BCAS3: variants seen among roughly 807,000 people sequenced by gnomAD.
The protein encoded by BCAS3 is BCAS3 microtubule associated cell migration factor.
BCAS3 carries 53 observed loss-of-function variants against 116.1 expected under a neutral mutation model. That is an observed-to-expected ratio of 0.46 (90% CI 0.37 to 0.57). The LOEUF is 0.57. BCAS3 is among the 20% of genes least tolerant of loss of function. BCAS3 has a pLI of 0.00. For missense variants in BCAS3, 917 were observed against 1,165.4 expected (o/e 0.79, Z 3.10); for synonymous variants, 391 against 408.2 (o/e 0.96, Z 0.51).
chr17:61,012,170 T>A lies in BCAS3; in HGVS notation c.1487-3581T>A, dbSNP rs951382880. Among the ~76,000 whole-genome samples the A allele has an allele frequency of 6.6e-6, 1 of 152,072 alleles. No individual in the cohort carries two copies. The highest frequency in any genetic ancestry group is 1.5e-5 in the Non-Finnish European group (1 of 67,958). The stretch of plus-strand genomic sequence containing the variant: ...TCCCATTTTTCATTTTTTGTTAATA[T>A]GTCTTTCTGTAACATTACATTATGA... On this transcript the variant is annotated intron_variant, in intron 15 of 23. Coordinates refer to ENST00000407086, the MANE Select transcript of BCAS3 (RefSeq NM_017679.5). The surrounding 1 kb of genome is among the most constrained non-coding windows in gnomAD (Gnocchi z 4.5).
rs1007852809 is a variant in BCAS3 at position 61,246,471 on chromosome 17, GAAAAAAA to G, written c.2426-121836_2426-121830del. 5.1e-3 allele frequency among the ~76,000 whole-genome samples: 172 copies of G among 33,468 alleles called. 1 individual carries two copies. The highest frequency in any genetic ancestry group is 0.013 in the African/African-American group (132 of 10,186). The allele number at this position is 33,468 out of a possible 152,430, so 22.0% of individuals were successfully genotyped here. ...TGGGTAACAGAGCAAGACTGTCTCA[GAAAAAAA>G]AAAAAAAAAAAAAAAAAAAGATTTA... On this transcript the variant is annotated intron_variant, in intron 22 of 23. Transcript: ENST00000407086.
At chr17:60,705,083 G>A (rs2036938384) in intron 4 of BCAS3, among the ~76,000 whole-genome samples, 1 of 152,134 alleles carries the variant, frequency 6.6e-6, no homozygotes, top group African/African-American at 2.4e-5. Flanking sequence ...AAGTGTGGAA[G>A]GATCACACCA....
At chr17:60,869,088 G>A (rs926424758) in intron 8 of BCAS3, among the ~76,000 whole-genome samples, 2 of 152,156 alleles carry the variant, frequency 1.3e-5, no homozygotes, top group African/African-American at 4.8e-5. Flanking sequence ...TGAAAAGCAT[G>A]TTCCTGAACT....
chr17:60,715,076 AAT>A (rs2038410184), intron 5 of BCAS3, among the ~76,000 whole-genome samples: 1 of 152,012 alleles, frequency 6.6e-6, no homozygotes, highest in Non-Finnish European at 1.5e-5. Flanking sequence ...TTAAAAACCA[AAT>A]AGTTTCGTGA....
chr17:60,844,958 G>A (rs543569172), intron 7 of BCAS3, among the ~76,000 whole-genome samples: 47 of 152,310 alleles, frequency 3.1e-4, no homozygotes, highest in East Asian at 7.7e-4. Context: ...GGCTGGGCAC[G>A]GTGGCTTATG....
intron 22 of BCAS3, chr17:61,086,741 C>G: frequency 1.0e-6 from 1 of 985,350 alleles, no homozygotes; most frequent in Non-Finnish European, 1.2e-6. Context: ...TTCTGAAAGA[C>G]AACCAAAACA....
chr17:60,738,651 A>G (rs2041218602), intron 5 of BCAS3, among the ~76,000 whole-genome samples: 3 of 152,042 alleles, frequency 2.0e-5, no homozygotes, highest in Admixed American at 6.5e-5. Flanking sequence ...ATCCGTTTTC[A>G]CAATCTCTGT....
rs1425140941 is a variant in BCAS3, at chr17:61,145,633, T to A, written c.2425+61069T>A. On this transcript the variant is annotated intron_variant, in intron 22 of 23. Coordinates refer to ENST00000407086, the MANE Select transcript of BCAS3 (RefSeq NM_017679.5). The surrounding 1 kb of genome is among the most constrained non-coding windows in gnomAD (Gnocchi z 5.0). ...ACCCTTGTGTCATTTAATGTTACTTTAAAAAATTATTCTTAAATGTTCAGC... is the reference window on the plus strand; with the variant it reads ...ACCCTTGTGTCATTTAATGTTACTTAAAAAAATTATTCTTAAATGTTCAGC... 6.6e-6 allele frequency among the ~76,000 whole-genome samples: 1 copy of A among 152,210 alleles called. No individual in the cohort carries two copies. Among genetic ancestry groups the A allele is most frequent in the Non-Finnish European group, 1.5e-5 (1 of 68,036 alleles).
chr17:60,946,614 T>G (rs922420386), intron 13 of BCAS3, among the ~76,000 whole-genome samples: 9 of 152,076 alleles, frequency 5.9e-5, no homozygotes, highest in Non-Finnish European at 4.4e-5. Flanking sequence ...TTCTTTGTTT[T>G]GAAAAATGAT....
Position 61,042,987 on chromosome 17 carries a change from C to A in BCAS3, c.2029+2095C>A, listed in dbSNP as rs139646661. 8.5e-4 allele frequency among the ~76,000 whole-genome samples: 128 copies of A among 150,946 alleles called. No homozygotes were observed. The East Asian group carries it at 0.024, about 28-fold the overall frequency. Reference sequence around the variant, plus strand: ...AGGAAGGGAGTGGAGGCTAGGTGATCCTAGAGCAAGATGAGACCTTAAATT... The same window carrying A: ...AGGAAGGGAGTGGAGGCTAGGTGATACTAGAGCAAGATGAGACCTTAAATT... On this transcript the variant is annotated intron_variant, in intron 19 of 23. Coordinates refer to ENST00000407086, the MANE Select transcript of BCAS3 (RefSeq NM_017679.5).
intron 14 of BCAS3, among the ~76,000 whole-genome samples, chr17:60,976,020 C>CTTTTTTTTTTTTGTTTTTTT (rs2062329877): frequency 9.2e-5 from 9 of 98,304 alleles, no homozygotes; most frequent in Non-Finnish European, 1.1e-4. Context: ...TAGATTTTTG[C>CTTTTTTTTTTTTGTTTTTTT]TTTTTTTTTT....
chr17:61,265,567 A>G lies in BCAS3; in HGVS notation c.2426-102760A>G, dbSNP rs1381568644. Among the ~76,000 whole-genome samples, 2 of 152,224 alleles carry G rather than the reference A, an allele frequency of 1.3e-5. No individual in the cohort carries two copies. The highest frequency in any genetic ancestry group is 2.9e-5 in the Non-Finnish European group (2 of 68,040). On this transcript the variant is annotated intron_variant, in intron 22 of 23. Coordinates refer to ENST00000407086, the MANE Select transcript of BCAS3 (RefSeq NM_017679.5). This position sits in a 1 kb window ranked among gnomAD's most constrained non-coding sequence, Gnocchi z 4.3. ...TGCTTCTGTGGGCCTGGTTTCTACA[A>G]TCTTGTTTGGCTACAATTCATGTTG...
At chr17:61,293,419 G>A (rs1257867790) in intron 22 of BCAS3, among the ~76,000 whole-genome samples, 1 of 152,066 alleles carries the variant, frequency 6.6e-6, no homozygotes, top group Non-Finnish European at 1.5e-5. Flanking sequence ...CTTACTAATA[G>A]GAGAGCTGCC....
intron 7 of BCAS3, among the ~76,000 whole-genome samples, chr17:60,856,605 C>T (rs2053693076): frequency 6.6e-6 from 1 of 151,940 alleles, no homozygotes; most frequent in Non-Finnish European, 1.5e-5. Context: ...GCATGAGAAT[C>T]GCTTGAACCT....
chr17:61,323,667 A>G lies in BCAS3; in HGVS notation c.2426-44660A>G, dbSNP rs150021349. 1.0e-3 allele frequency among the ~76,000 whole-genome samples: 155 copies of G among 152,354 alleles called. No individual in the cohort carries two copies. The highest frequency in any genetic ancestry group is 3.7e-3 in the African/African-American group (154 of 41,586). On this transcript the variant is annotated intron_variant, in intron 22 of 23. Transcript: ENST00000407086. This position sits in a 1 kb window ranked among gnomAD's most constrained non-coding sequence, Gnocchi z 4.6. Reference sequence around the variant, plus strand: ...CCAAGGGTCTCCAGTTCCTTCCTCCATATGGCATCTCTGTCAAAAGTTGAG... The same window carrying G: ...CCAAGGGTCTCCAGTTCCTTCCTCCGTATGGCATCTCTGTCAAAAGTTGAG...
intron 6 of BCAS3, among the ~76,000 whole-genome samples, chr17:60,751,760 C>T (rs1194906178): frequency 6.6e-6 from 1 of 152,092 alleles, no homozygotes; most frequent in Non-Finnish European, 1.5e-5. Flanking sequence ...TCAGGCTGGT[C>T]TCGAACTCCT....
At chr17:61,295,343 GA>G (rs1367973900) in intron 22 of BCAS3, among the ~76,000 whole-genome samples, 1 of 152,238 alleles carries the variant, frequency 6.6e-6, no homozygotes, top group Non-Finnish European at 1.5e-5. Context: ...AGGCGTTGGT[GA>G]TGGAGACTTC....
chr17:60,911,383 C>T (rs1269329228), intron 12 of BCAS3, among the ~76,000 whole-genome samples: 4 of 152,142 alleles, frequency 2.6e-5, no homozygotes, highest in African/African-American at 7.2e-5. Flanking sequence ...ACTGAAACCT[C>T]CACCTCCTGG....
At chr17:60,702,593 A>G (rs1488681041) in intron 4 of BCAS3, among the ~76,000 whole-genome samples, 1 of 150,184 alleles carries the variant, frequency 6.7e-6, no homozygotes, top group East Asian at 1.9e-4. Context: ...AAGAAAAGGA[A>G]TTTTTTTTTT....
Sources: gnomAD v4.1 joint callset for allele counts (sites outside exome capture counted in the v4.1 genomes callset) on GRCh38, gnomAD v4.1.1 for gene constraint, Gnocchi (gnomAD v3.1) non-coding constraint, MANE v1.5 for transcripts, NCBI Gene and HGNC (gene_info 2026-07-23, HGNC 2026-07-21) for gene names.